Variants in ANKS6 observed in about 807,000 individuals in gnomAD.
ANKS6 encodes the protein ankyrin repeat and SAM domain-containing protein 6.
ANKS6 carries 47 observed loss-of-function variants against 77.9 expected under a neutral mutation model. That is an observed-to-expected ratio of 0.60 (90% CI 0.48 to 0.77). The LOEUF (loss-of-function observed/expected upper bound fraction) is 0.77, where lower values mean the gene tolerates loss of function less well. Among genes scored for constraint, ANKS6 ranks in the 30% least tolerant of loss-of-function variants. The pLI is 0.00. For synonymous variants in ANKS6, 488 were observed against 501.7 expected (o/e 0.97, Z 0.37); for missense variants, 1,150 against 1,159.1 (o/e 0.99, Z 0.11).
intron 14 of ANKS6, among the ~76,000 whole-genome samples, chr9:98,739,807 T>C (rs1355379420): frequency 8.4e-6 from 1 of 119,750 alleles, no homozygotes; most frequent in Non-Finnish European, 1.6e-5. Context: ...CAGGCTGGAG[T>C]GCAGTGGCGC....
chr9:98,776,109 A>G lies in ANKS6; in HGVS notation c.1617+1296T>C, dbSNP rs558317246. 1.1e-4 allele frequency among the ~76,000 whole-genome samples: 17 copies of G among 152,320 alleles called. No individual in the cohort carries two copies. In the South Asian group the frequency reaches 3.3e-3, roughly 30 times the overall value. On this transcript the variant is annotated intron_variant, in intron 8 of 14. Coordinates refer to ENST00000353234, the MANE Select transcript of ANKS6 (RefSeq NM_173551.5). ...AACCACTAAGCTCTCATGTCAGAGG[A>G]AACAAACGTGAAACCCAGAGAGGGG... is the stretch of plus-strand genomic sequence containing the variant.
At chr9:98,787,437 T>C (rs1358571567) in intron 2 of ANKS6, among the ~76,000 whole-genome samples, 1 of 152,024 alleles carries the variant, frequency 6.6e-6, no homozygotes, top group Non-Finnish European at 1.5e-5. Context: ...AATATGCTTA[T>C]TTCCTACTGA....
chr9:98,751,953 G>GTGTGTGCC (rs1832449560), intron 12 of ANKS6, among the ~76,000 whole-genome samples: 1 of 152,184 alleles, frequency 6.6e-6, no homozygotes, highest in South Asian at 2.1e-4. Flanking sequence ...GAGGTGTGAT[G>GTGTGTGCC]TGTGTGCCTG....
intron 1 of ANKS6, among the ~76,000 whole-genome samples, chr9:98,794,587 C>T (rs532572645): frequency 6.6e-6 from 1 of 152,246 alleles, no homozygotes; most frequent in Admixed American, 6.5e-5. Context: ...TGAGGAACAG[C>T]ACATTTTAAA....
chr9:98,736,726 C>A lies in ANKS6; in HGVS notation c.2512-103G>T, dbSNP rs542877380. The stretch of plus-strand genomic sequence containing the variant: ...TAATGTTCAACTCATACTTCAAAAA[C>A]CCATGGGCGTCTTGGGGAAAATAAA... On this transcript the variant is annotated intron_variant, in intron 14 of 14. Transcript: ENST00000353234. 1.6e-4 allele frequency: 220 copies of A among 1,386,988 alleles called. 1 individual carries two copies. The African/African-American group carries it at 2.9e-3, about 18-fold the overall frequency. The allele number at this position is 1,386,988 out of a possible 1,614,324, so 85.9% of individuals were successfully genotyped here. A position where few individuals can be genotyped will look rare whatever the true frequency, so the allele number is the denominator to read the frequency against.
intron 2 of ANKS6, among the ~76,000 whole-genome samples, chr9:98,787,643 CCAGGG>C (rs1369111427): frequency 4.6e-5 from 7 of 152,194 alleles, no homozygotes; most frequent in Non-Finnish European, 1.0e-4. Context: ...CGTCTATGTG[CCAGGG>C]CACTGCGATG....
At chr9:98,773,013 T>A (rs1833721044) in intron 9 of ANKS6, among the ~76,000 whole-genome samples, 1 of 152,210 alleles carries the variant, frequency 6.6e-6, no homozygotes, top group South Asian at 2.1e-4. Context: ...CAAGTTGATG[T>A]TCTGTCCCTC....
At chr9:98,776,347 C>G (rs1405469598) in intron 8 of ANKS6, among the ~76,000 whole-genome samples, 1 of 151,846 alleles carries the variant, frequency 6.6e-6, no homozygotes, top group Admixed American at 6.6e-5. Flanking sequence ...GGAACAAAGA[C>G]TTCATTTCCC....
At chr9:98,744,139 A>T (rs1055279351) in intron 14 of ANKS6, among the ~76,000 whole-genome samples, 2 of 152,254 alleles carry the variant, frequency 1.3e-5, no homozygotes, top group African/African-American at 4.8e-5. Context: ...AGAAATGTTT[A>T]GAATCCAGCC....
intron 11 of ANKS6, among the ~76,000 whole-genome samples, chr9:98,756,870 C>G (rs566249365): frequency 1.3e-5 from 2 of 151,480 alleles, no homozygotes; most frequent in East Asian, 3.9e-4. Flanking sequence ...CACCCCGCCC[C>G]GCTCCCCCAA....
In ANKS6 at chr9:98,734,663, C is replaced by A; in HGVS notation, c.*1856G>T. ...CCTTCTGGGCTGTTTAACTGGCAAG[C>A]TGCTTCCCTCTCCTAAGCATCCGTT... On this transcript the variant is annotated 3_prime_UTR_variant, in exon 15 of 15. Transcript: ENST00000353234. 3.2e-6 allele frequency: 3 copies of A among 934,706 alleles called. No individual in the cohort carries two copies. The highest frequency in any genetic ancestry group is 3.8e-6 in the Non-Finnish European group (3 of 783,854). 57.9% of individuals were successfully genotyped at this position (934,706 alleles called of 1,614,324 possible).
At chr9:98,753,616 A>G (rs1832543895) in intron 12 of ANKS6, among the ~76,000 whole-genome samples, 2 of 83,682 alleles carry the variant, frequency 2.4e-5, no homozygotes. Context: ...GTAAGACCCT[A>G]TCTCAAAAAA....
intron 11 of ANKS6, among the ~76,000 whole-genome samples, chr9:98,757,180 T>C (rs1023826147): frequency 6.6e-6 from 1 of 152,204 alleles, no homozygotes; most frequent in Admixed American, 6.5e-5. Context: ...AATATCTACA[T>C]CGTCACAGTA....
chr9:98,775,873 CCA>C (rs372356808), intron 8 of ANKS6, among the ~76,000 whole-genome samples: 170 of 152,276 alleles, frequency 1.1e-3, no homozygotes, highest in Middle Eastern at 0.01. Context: ...GCACAAGCCC[CCA>C]CAGTCAGTGT....
chr9:98,754,492 A>G (rs1832593226), intron 12 of ANKS6, among the ~76,000 whole-genome samples: 4 of 151,906 alleles, frequency 2.6e-5, no homozygotes, highest in African/African-American at 9.7e-5. Flanking sequence ...ATACAAAATA[A>G]TTAGCCAGGC....
rs772242192 is a variant in ANKS6 at position 98,790,631 on chromosome 9, G to A, written c.360-25C>T. Reference sequence around the variant, plus strand: ...TCTGCCAGGAAGATGGAGAATTAGTGACACTGAACACACAGCACTCGGGGG... The same window carrying A: ...TCTGCCAGGAAGATGGAGAATTAGTAACACTGAACACACAGCACTCGGGGG... On this transcript the variant is annotated intron_variant, in intron 1 of 14. Transcript: ENST00000353234. 1.6e-5 allele frequency: 26 copies of A among 1,587,390 alleles called. No homozygotes were observed. In the South Asian group the frequency reaches 2.5e-4, roughly 15 times the overall value.
intron 11 of ANKS6, among the ~76,000 whole-genome samples, chr9:98,765,712 G>GT (rs1833242333): frequency 6.6e-6 from 1 of 152,194 alleles, no homozygotes; most frequent in Non-Finnish European, 1.5e-5. Context: ...GATCTGGGAA[G>GT]TATTGGTGCA....
chr9:98,789,845 C>T (rs1834788002), intron 2 of ANKS6: 4 of 444,454 alleles, frequency 9.0e-6, no homozygotes, highest in African/African-American at 5.9e-5. Flanking sequence ...GAATGATGTG[C>T]TTGGGGAGAG....
At position 98,756,373 on chromosome 9, in the gene ANKS6, T is replaced by C. The variant is rs201464879; in HGVS notation, c.2326+47A>G. 3.7e-4 allele frequency: 585 copies of C among 1,586,468 alleles called. 4 individuals are homozygous for C. The African/African-American group carries it at 7.3e-3, about 20-fold the overall frequency. On this transcript the variant is annotated intron_variant, in intron 12 of 14. Coordinates refer to ENST00000353234, the MANE Select transcript of ANKS6 (RefSeq NM_173551.5). The stretch of plus-strand genomic sequence containing the variant: ...CTTGCAGTTCCTTGCTGCCAGGTCA[T>C]CATGGTGAGAGGAATAGGTGGGGTT...
Sources: allele counts gnomAD v4.1 joint callset (sites outside exome capture counted in the v4.1 genomes callset), GRCh38; gene constraint gnomAD v4.1.1; transcripts MANE v1.5; gene names NCBI Gene and HGNC (gene_info 2026-07-23, HGNC 2026-07-21).